The following LTBP1 variants were observed in gnomAD, a reference collection of about 807,000 sequenced individuals.
LTBP1 encodes latent-transforming growth factor beta-binding protein 1.
In LTBP1, 129 loss-of-function variants were observed where a neutral mutation model predicts 207.6. The observed-to-expected ratio is 0.62, with a 90% CI of 0.54 to 0.72. The LOEUF (loss-of-function observed/expected upper bound fraction) is 0.72, where lower values mean the gene tolerates loss of function less well. LTBP1 is among the 30% of genes least tolerant of loss of function. LTBP1 has a pLI of 0.00. For missense variants in LTBP1, 2,281 were observed against 2,217.2 expected, an observed-to-expected ratio of 1.03 and a Z score of -0.58; for synonymous variants, 963 against 833.7, an observed-to-expected ratio of 1.16 and a Z score of -2.67.
At chr2:33,158,148 C>CA (rs59789805) in intron 5 of LTBP1, among the ~76,000 whole-genome samples, 21,762 of 113,640 alleles carry the variant, frequency 0.19, 1,651 homozygotes, top group East Asian at 0.39. Context: ...AAAAAAAAAA[C>CA]AAAAAAAAAA....
intron 24 of LTBP1, chr2:33,317,562 A>G (rs1243719084): frequency 1.3e-5 from 2 of 152,226 alleles, no homozygotes; most frequent in Non-Finnish European, 2.9e-5. Flanking sequence ...AAGCCAGCTC[A>G]TGTGATCAGT....
intron 5 of LTBP1, among the ~76,000 whole-genome samples, chr2:33,178,730 G>A (rs563637312): frequency 6.6e-6 from 1 of 152,272 alleles, no homozygotes; most frequent in African/African-American, 2.4e-5. Flanking sequence ...GGTTAAAATA[G>A]TCTTTAAAGT....
At chr2:33,289,889 G>A (rs988535609) in intron 19 of LTBP1, among the ~76,000 whole-genome samples, 6 of 152,150 alleles carry the variant, frequency 3.9e-5, no homozygotes, top group Non-Finnish European at 8.8e-5. Flanking sequence ...TGGGGTGGAT[G>A]GTGGGGTGGG....
At chr2:33,064,354 G>A (rs973181531) in intron 3 of LTBP1, among the ~76,000 whole-genome samples, 5 of 152,170 alleles carry the variant, frequency 3.3e-5, no homozygotes, top group Non-Finnish European at 7.3e-5. Context: ...CTTGCTTGCA[G>A]GCTAAAAAGT....
intron 5 of LTBP1, among the ~76,000 whole-genome samples, chr2:33,151,680 C>T (rs1002903470): frequency 1.3e-5 from 2 of 152,102 alleles, no homozygotes; most frequent in African/African-American, 4.8e-5. Flanking sequence ...GTCCTCATAG[C>T]TTAGCTCCCA....
At chr2:33,321,181 GCTT>G (rs148441457) in intron 24 of LTBP1, among the ~76,000 whole-genome samples, 2,999 of 152,162 alleles carry the variant, frequency 0.02, 38 homozygotes, top group Middle Eastern at 0.11. Context: ...CTGGAAGAGG[GCTT>G]CTTGTCACAT....
chr2:33,134,772 T>C lies in LTBP1; in HGVS notation c.1034-21T>C. Reference sequence around the variant, plus strand: ...AAGCTGATGTGTTTGTTGTTCTTTTTCTCCCTGCCTCCGCTCCTAGTGAGT... The same window carrying C: ...AAGCTGATGTGTTTGTTGTTCTTTTCCTCCCTGCCTCCGCTCCTAGTGAGT... On this transcript the variant is annotated intron_variant, in intron 4 of 33. Coordinates refer to ENST00000404816, the MANE Select transcript of LTBP1 (RefSeq NM_206943.4). The surrounding 1 kb of genome is among the most constrained non-coding windows in gnomAD (Gnocchi z 4.4). 1 of 1,614,112 alleles carries C rather than the reference T, an allele frequency of 6.2e-7. No individual in the cohort carries two copies. Among genetic ancestry groups the C allele is most frequent in the East Asian group, 2.2e-5 (1 of 44,876 alleles).
rs2075148116 is a variant in LTBP1 at position 33,021,178 on chromosome 2, G to T, written c.835G>T (p.Val279Leu). ...CTTAACCCTCAAGCCGAAGCCTTCA[G>T]TGGGACTCCCCCAGCAGATACATTC... is the stretch of plus-strand genomic sequence containing the variant. ...MTLTLKPKPS[V>L]GLPQQIHSQV... Residue 279 changes from valine to leucine, a missense_variant, in exon 3 of 34, where the codon GTG becomes TTG. Val to Leu is a conservative substitution (Grantham distance 32). Around this residue, in one of 3 missense-constraint regions of LTBP1, gnomAD observed 555 missense variants for 491.0 expected, o/e 1.13. Coordinates refer to ENST00000404816, the MANE Select transcript of LTBP1 (RefSeq NM_206943.4). The T allele has an allele frequency of 6.2e-7, 1 of 1,606,212 alleles. No homozygotes were observed. Among genetic ancestry groups the T allele is most frequent in the Non-Finnish European group, 8.5e-7 (1 of 1,174,744 alleles).
chr2:33,287,853 G>T (rs143406063), intron 19 of LTBP1, among the ~76,000 whole-genome samples: 1,670 of 152,308 alleles, frequency 0.011, 14 homozygotes, highest in Non-Finnish European at 0.015. Context: ...TACCTCAAAT[G>T]CAGTTGAGGT....
At chr2:33,057,495 G>A (rs1373913951) in intron 3 of LTBP1, among the ~76,000 whole-genome samples, 1 of 152,236 alleles carries the variant, frequency 6.6e-6, no homozygotes, top group African/African-American at 2.4e-5. Flanking sequence ...TCATCGGGGA[G>A]GCTCAGGCCG....
At chr2:33,176,211 C>T (rs140207235) in intron 5 of LTBP1, among the ~76,000 whole-genome samples, 67 of 131,110 alleles carry the variant, frequency 5.1e-4, no homozygotes, top group Non-Finnish European at 8.5e-4. Flanking sequence ...CCAATTTTGA[C>T]ATGTTAATTA....
At chr2:33,100,640 T>C (rs1200626191) in intron 3 of LTBP1, among the ~76,000 whole-genome samples, 1 of 152,174 alleles carries the variant, frequency 6.6e-6, no homozygotes, top group Admixed American at 6.5e-5. Flanking sequence ...ACTTTCTGTT[T>C]CCAGAACTTT....
chr2:33,277,817 C>CTCTCTCTTTCTTTT lies in LTBP1; in HGVS notation c.2992+1895_2992+1896insCTCTCTTTCTTTTT, dbSNP rs1558933906. Among the ~76,000 whole-genome samples, 149 of 81,570 alleles carry CTCTCTCTTTCTTTT rather than the reference C, an allele frequency of 1.8e-3. 2 individuals are homozygous for CTCTCTCTTTCTTTT. The highest frequency in any genetic ancestry group is 2.4e-3 in the Non-Finnish European group (98 of 40,352). The allele number at this position is 81,570 out of a possible 152,430, so 53.5% of individuals were successfully genotyped here. A position where few individuals can be genotyped will look rare whatever the true frequency, so the allele number is the denominator to read the frequency against. On this transcript the variant is annotated intron_variant, in intron 18 of 33. Transcript: ENST00000404816. ...TCTTTCTCTCTCTCTTTCTTTTTTT[C>CTCTCTCTTTCTTTT]TTTCTTTCTTTCTTTTTTTTTTTTT...
intron 2 of LTBP1, among the ~76,000 whole-genome samples, chr2:33,017,532 T>C (rs1384883835): frequency 1.3e-5 from 2 of 152,294 alleles, no homozygotes; most frequent in South Asian, 4.2e-4. Flanking sequence ...CTTGCTGCCA[T>C]GTAAGAACTG....
chr2:33,022,043 G>A lies in LTBP1; in HGVS notation c.863+837G>A, dbSNP rs1035773815. Among the ~76,000 whole-genome samples the A allele has an allele frequency of 2.6e-5, 4 of 152,284 alleles. No homozygotes were observed. The East Asian group carries it at 5.8e-4, about 22-fold the overall frequency. On this transcript the variant is annotated intron_variant, in intron 3 of 33. Transcript: ENST00000404816. Reference sequence around the variant, plus strand: ...TTCCCAACTTAAAAATGGGCTTGACGTAGCAGTTCATTTGTAAGTCACTTG... The same window carrying A: ...TTCCCAACTTAAAAATGGGCTTGACATAGCAGTTCATTTGTAAGTCACTTG...
At chr2:33,203,092 G>A (rs1421737468) in intron 7 of LTBP1, among the ~76,000 whole-genome samples, 1 of 151,994 alleles carries the variant, frequency 6.6e-6, no homozygotes, top group Admixed American at 6.6e-5. Context: ...CTCTAAAATG[G>A]CTGCTCTCTG....
chr2:33,282,451 A>AT (rs199517559), intron 19 of LTBP1, among the ~76,000 whole-genome samples: 2,212 of 152,224 alleles, frequency 0.015, 22 homozygotes, highest in East Asian at 0.025. Flanking sequence ...TTCCATCTTA[A>AT]TTTTTTATAG....
intron 28 of LTBP1, among the ~76,000 whole-genome samples, 156 bp from the exon 29 acceptor site, chr2:33,363,234 C>A (rs888416780): frequency 5.9e-5 from 9 of 152,148 alleles, no homozygotes; most frequent in Admixed American, 4.6e-4. Flanking sequence ...GCCAATTAGG[C>A]CTTATTTTAA....
At chr2:33,056,105 T>C (rs2149560111) in intron 3 of LTBP1, among the ~76,000 whole-genome samples, 1 of 152,258 alleles carries the variant, frequency 6.6e-6, no homozygotes, top group African/African-American at 2.4e-5. Context: ...TGCAGGATGA[T>C]AGTATTGTAA....
Sources: gnomAD v4.1 joint callset for allele counts (sites outside exome capture counted in the v4.1 genomes callset) on GRCh38, gnomAD v4.1.1 for gene constraint, gnomAD v4.1.1 regional missense constraint, Gnocchi (gnomAD v3.1) non-coding constraint, MANE v1.5 for transcripts, NCBI Gene and HGNC (gene_info 2026-07-23, HGNC 2026-07-21) for gene names.